Variants in TSPAN14 observed in about 807,000 individuals in gnomAD.
TSPAN14 encodes tetraspanin 14, also known as tetraspanin-14.
A neutral mutation model predicts 36.6 loss-of-function variants in TSPAN14; 16 were observed. That is an observed-to-expected ratio of 0.44 (90% CI 0.30 to 0.66). TSPAN14 has a LOEUF of 0.66. Ranked by LOEUF, TSPAN14 falls within the 30% of genes least tolerant of loss-of-function variation. TSPAN14 has a pLI of 0.12. For synonymous variants in TSPAN14, 139 were observed against 143.8 expected (o/e 0.97, Z 0.24); for missense variants, 231 against 355.1 (o/e 0.65, Z 2.81).
intron 1 of TSPAN14, among the ~76,000 whole-genome samples, chr10:80,465,306 C>T (rs984411188): frequency 2.6e-5 from 4 of 152,142 alleles, no homozygotes; most frequent in African/African-American, 9.7e-5. Flanking sequence ...GTTCCTCACG[C>T]GAGCACTCAG....
At chr10:80,456,394 A>C (rs1845735931) in intron 1 of TSPAN14, among the ~76,000 whole-genome samples, 1 of 152,106 alleles carries the variant, frequency 6.6e-6, no homozygotes, top group South Asian at 2.1e-4. Context: ...GTCTCTGAGG[A>C]CTGGTGAAGG....
chr10:80,477,008 A>G (rs1846953804), intron 1 of TSPAN14, among the ~76,000 whole-genome samples: 1 of 152,326 alleles, frequency 6.6e-6, no homozygotes, highest in South Asian at 2.1e-4. Flanking sequence ...TTCTTGCTAC[A>G]TGTAGAACTG....
intron 2 of TSPAN14, among the ~76,000 whole-genome samples, chr10:80,495,151 G>C (rs1011684116): frequency 6.6e-6 from 1 of 152,136 alleles, no homozygotes; most frequent in African/African-American, 2.4e-5. Flanking sequence ...GCAGTGATTA[G>C]TTTATGTAAT....
intron 7 of TSPAN14, among the ~76,000 whole-genome samples, 176 bp downstream of exon 7, chr10:80,514,239 C>T (rs780448743): frequency 3.9e-5 from 6 of 152,164 alleles, no homozygotes; most frequent in African/African-American, 1.2e-4. Context: ...CCTGAGCTGG[C>T]GGCAGGACTC....
rs182453935 is a variant in TSPAN14 at position 80,488,097 on chromosome 10, C to T, written c.-17-1120C>T. ...CCTCTAGGGTGGCCTTGTCTCCTTT[C>T]GCCTTGGGCTGTGTTACTCTCCTCA... On this transcript the variant is annotated intron_variant, in intron 1 of 8. Transcript: ENST00000429989. 1.1e-4 allele frequency among the ~76,000 whole-genome samples: 16 copies of T among 152,252 alleles called. No individual in the cohort carries two copies. In the East Asian group the frequency reaches 2.3e-3, roughly 22 times the overall value.
intron 2 of TSPAN14, among the ~76,000 whole-genome samples, chr10:80,497,073 T>G (rs1278043426): frequency 2.6e-5 from 4 of 152,248 alleles, no homozygotes; most frequent in Non-Finnish European, 4.4e-5. Context: ...GTGTCTGACA[T>G]CTTTCATTTA....
chr10:80,471,163 C>T (rs986865693), intron 1 of TSPAN14, among the ~76,000 whole-genome samples: 4 of 152,022 alleles, frequency 2.6e-5, no homozygotes, highest in Non-Finnish European at 5.9e-5. Flanking sequence ...GCACAGGTCC[C>T]ACTCTGAGTT....
chr10:80,511,587 G>A (rs1399639395), intron 5 of TSPAN14, among the ~76,000 whole-genome samples: 1 of 152,136 alleles, frequency 6.6e-6, no homozygotes, highest in Non-Finnish European at 1.5e-5. Flanking sequence ...GCCTGGCAGT[G>A]GGGCCAGAGG....
intron 4 of TSPAN14, among the ~76,000 whole-genome samples, chr10:80,508,140 G>A (rs138247348): frequency 0.023 from 3,334 of 142,414 alleles, 49 homozygotes; most frequent in Middle Eastern, 0.043. Context: ...TTTTGATACC[G>A]AGTCTCGCTC....
rs1357543706 is a variant in TSPAN14 at position 80,516,010 on chromosome 10, G to A, written c.622-194G>A. The A allele has an allele frequency of 2.7e-5, 20 of 727,830 alleles. No individual in the cohort carries two copies. The East Asian group carries it at 5.0e-4, about 18-fold the overall frequency. 45.1% of individuals were successfully genotyped at this position (727,830 alleles called of 1,614,324 possible). Reference sequence around the variant, plus strand: ...GAGCCTTTGGTCAGACAGGTGGTGCGATGGCACAGTGCCCAGCGAGGGGCA... The same window carrying A: ...GAGCCTTTGGTCAGACAGGTGGTGCAATGGCACAGTGCCCAGCGAGGGGCA... On this transcript the variant is annotated intron_variant, in intron 7 of 8. Coordinates refer to ENST00000429989, the Ensembl canonical transcript of TSPAN14.
chr10:80,461,568 C>T (rs1845970981), intron 1 of TSPAN14, among the ~76,000 whole-genome samples: 2 of 152,008 alleles, frequency 1.3e-5, no homozygotes, highest in Admixed American at 6.5e-5. Flanking sequence ...AGTGTGTGAG[C>T]AAAGAGGAAC....
At chr10:80,457,247 G>A (rs1261637583) in intron 1 of TSPAN14, among the ~76,000 whole-genome samples, 11 of 151,210 alleles carry the variant, frequency 7.3e-5, no homozygotes, top group East Asian at 4.0e-4. Flanking sequence ...GTGCAGTGGC[G>A]TGATCTCGGC....
At chr10:80,511,745 TCTCTCTCTCTC>T (rs1840652188) in intron 5 of TSPAN14, among the ~76,000 whole-genome samples, 4 of 143,282 alleles carry the variant, frequency 2.8e-5, no homozygotes, top group African/African-American at 1.0e-4. Context: ...TCTCTCTCTC[TCTCTCTCTCTC>T]TCTCTCTCTC....
At chr10:80,496,374 A>G (rs540304544) in intron 2 of TSPAN14, among the ~76,000 whole-genome samples, 1 of 152,174 alleles carries the variant, frequency 6.6e-6, no homozygotes, top group African/African-American at 2.4e-5. Context: ...TCGCATATGC[A>G]TACTCTATGA....
rs572730802 is a variant in TSPAN14 at position 80,493,275 on chromosome 10, G to C, written c.81+3961G>C. ...AAATAACCGATGTTGATGAGGATGT[G>C]GAGAAATTGAAACCTTTGTGCACTG... On this transcript the variant is annotated intron_variant, in intron 2 of 8. Transcript: ENST00000429989. Among the ~76,000 whole-genome samples the C allele has an allele frequency of 2.5e-4, 38 of 152,308 alleles. No individual in the cohort carries two copies. The South Asian group carries it at 7.7e-3, about 31-fold the overall frequency.
At chr10:80,497,577 C>A (rs1398515809) in intron 2 of TSPAN14, among the ~76,000 whole-genome samples, 2 of 152,238 alleles carry the variant, frequency 1.3e-5, no homozygotes, top group African/African-American at 4.8e-5. Context: ...TCTTGATTTT[C>A]TACCCACTGT....
At chr10:80,472,203 G>T (rs76118296) in intron 1 of TSPAN14, among the ~76,000 whole-genome samples, 2,261 of 151,768 alleles carry the variant, frequency 0.015, 47 homozygotes, top group African/African-American at 0.052. Context: ...CTTTTTTTTT[G>T]TTCCTCCAAG....
exon 9 of TSPAN14, chr10:80,519,560 T>G (rs899097171): frequency 6.6e-6 from 1 of 150,720 alleles, no homozygotes; most frequent in East Asian, 2.0e-4. Context: ...AGAAGAATGC[T>G]TGTGTTTTTC....
At chr10:80,504,974 G>A (rs140536072) in intron 3 of TSPAN14, among the ~76,000 whole-genome samples, 196 bp downstream of exon 3, 14 of 152,344 alleles carry the variant, frequency 9.2e-5, no homozygotes, top group African/African-American at 3.4e-4. Flanking sequence ...TGGAGGTATG[G>A]GCTGGGCTGG....
Sources: gnomAD v4.1 joint callset for allele counts (sites outside exome capture counted in the v4.1 genomes callset) on GRCh38, gnomAD v4.1.1 for gene constraint, MANE v1.5 for transcripts, NCBI Gene and HGNC (gene_info 2026-07-23, HGNC 2026-07-21) for gene names.